Variants in TSEN2 observed in about 807,000 individuals in gnomAD.
TSEN2 encodes the protein tRNA-splicing endonuclease subunit Sen2.
In TSEN2, 54 loss-of-function variants were observed where a neutral mutation model predicts 59.2. That is an observed-to-expected ratio of 0.91 (90% CI 0.73 to 1.14). The LOEUF (loss-of-function observed/expected upper bound fraction) is 1.14. Ranked by LOEUF, TSEN2 falls within the 50% of genes most tolerant of loss-of-function variation. TSEN2 has a pLI of 0.00. For synonymous variants in TSEN2, 195 were observed against 198.2 expected, an observed-to-expected ratio of 0.98 and a Z score of 0.14; for missense variants, 636 against 576.2, an observed-to-expected ratio of 1.10 and a Z score of -1.06.
At chr3:12,490,206 A>G (rs1280563930) in intron 2 of TSEN2, among the ~76,000 whole-genome samples, 8 of 152,228 alleles carry the variant, frequency 5.3e-5, no homozygotes, top group African/African-American at 1.9e-4. Flanking sequence ...CCCTGCCCAC[A>G]AACCTTTATT....
At chr3:12,523,958 A>G (rs1439154486) in intron 8 of TSEN2, among the ~76,000 whole-genome samples, 1 of 152,174 alleles carries the variant, frequency 6.6e-6, no homozygotes, top group Non-Finnish European at 1.5e-5. Flanking sequence ...AGTATTTTTC[A>G]TGTGTACCTC....
At chr3:12,530,116 C>T in intron 10 of TSEN2, 2 of 1,403,000 alleles carry the variant, frequency 1.4e-6, no homozygotes, top group Non-Finnish European at 9.2e-7. Flanking sequence ...AATGACGGAG[C>T]TTTGGAGTGT....
Position 12,503,669 on chromosome 3 carries a change from G to A in TSEN2, c.716G>A (p.Gly239Asp). 2 of 1,607,726 alleles carry A rather than the reference G, an allele frequency of 1.2e-6. No homozygotes were observed. Among genetic ancestry groups the A allele is most frequent in the Non-Finnish European group, 1.7e-6 (2 of 1,176,812 alleles). Reference sequence around the variant, plus strand: ...CAGCGTGGCCTTCATCATGAAGACGGCAGCCAGCACATCGGCCTCCTGCAT... The same window carrying A: ...CAGCGTGGCCTTCATCATGAAGACGACAGCCAGCACATCGGCCTCCTGCAT... ...ILQRGLHHED[G>D]SQHIGLLHPG... Residue 239 changes from glycine (G) to aspartate (D), a missense_variant, in exon 5 of 12, where the codon GGC (glycine) becomes GAC (aspartate). Physicochemically the swap from Gly to Asp is moderately conservative, Grantham distance 94. Transcript: ENST00000284995.
rs183153130 is a variant in TSEN2 at position 12,516,287 on chromosome 3, G to A, written c.910-324G>A. Among the ~76,000 whole-genome samples the A allele has an allele frequency of 1.3e-4, 20 of 152,192 alleles. 1 individual carries two copies. The highest frequency in any genetic ancestry group is 8.5e-4 in the Admixed American group (13 of 15,286). ...AAAAAATACAAAAAATTAGCCGGGC[G>A]TGGCGGCGGGCGCCTGTAGTCCCAG... On this transcript the variant is annotated intron_variant, in intron 6 of 11. Transcript: ENST00000284995.
At chr3:12,516,551 T>G in intron 6 of TSEN2, 60 bp from the exon 7 acceptor site, 1 of 1,559,580 alleles carries the variant, frequency 6.4e-7, no homozygotes, top group African/African-American at 1.4e-5. Context: ...GTCTGTAAAA[T>G]GGTTTCACAA....
At position 12,501,434 on chromosome 3, in the gene TSEN2, G is replaced by A. The variant is rs183375764; in HGVS notation, c.309-1828G>A. 2.7e-3 allele frequency among the ~76,000 whole-genome samples: 414 copies of A among 152,322 alleles called. 1 individual carries two copies. Among genetic ancestry groups the A allele is most frequent in the African/African-American group, 9.5e-3 (393 of 41,576 alleles). On this transcript the variant is annotated intron_variant, in intron 4 of 11. Coordinates refer to ENST00000284995, the MANE Select transcript of TSEN2 (RefSeq NM_025265.4). ...GTTAATCTTTAGGATACAATTCCCAGTATATAGGGAGGCATCCCTGATGTT... is the reference window on the plus strand; with the variant it reads ...GTTAATCTTTAGGATACAATTCCCAATATATAGGGAGGCATCCCTGATGTT...
intron 7 of TSEN2, 22 bp from the exon 8 acceptor site, chr3:12,519,037 G>GT (rs1559341563): frequency 6.8e-6 from 11 of 1,613,758 alleles, no homozygotes; most frequent in South Asian, 2.2e-5. Flanking sequence ...AATGCTTTTT[G>GT]TTTTTTTGTA....
chr3:12,483,588 G>C (rs761720045), upstream of TSEN2, among the ~76,000 whole-genome samples: 2 of 152,142 alleles, frequency 1.3e-5, no homozygotes, highest in Non-Finnish European at 2.9e-5. Flanking sequence ...CATGCGTGAA[G>C]GAATGGAGGC....
rs886057907 is a variant in TSEN2, at chr3:12,484,768, T to A, written c.-130T>A. 6.6e-6 allele frequency: 1 copy of A among 152,218 alleles called. No homozygotes were observed. Among genetic ancestry groups the A allele is most frequent in the Non-Finnish European group, 1.5e-5 (1 of 68,082 alleles). 9.4% of individuals were successfully genotyped at this position (152,218 alleles called of 1,614,324 possible). ...GGTTCTTGGAAACGCCGGCGCCTTGTTCAGGGCTGGTGGGGCTGGGGCGCA... is the reference window on the plus strand; with the variant it reads ...GGTTCTTGGAAACGCCGGCGCCTTGATCAGGGCTGGTGGGGCTGGGGCGCA... On this transcript the variant is annotated 5_prime_UTR_variant, in exon 1 of 12. Transcript: ENST00000284995.
rs140728375 is a variant in TSEN2, at chr3:12,503,358, G to A, written c.405G>A (p.Pro135=). 2.4e-4 allele frequency: 387 copies of A among 1,614,202 alleles called. 1 individual carries two copies. The African/African-American group carries it at 3.2e-3, about 13-fold the overall frequency. The change falls in exon 5 of 12, where the codon CCG becomes CCA. Residue 135 remains proline (P), a synonymous_variant. Transcript: ENST00000284995. ...GAATCCTCAAGGATTACACGAAACC[G>A]CTTGAGCATCCTCCTGTGAAAAGGA... ...VRRILKDYTK[P]LEHPPVKRNE...
At chr3:12,515,869 CA>C (rs2056016492) in intron 6 of TSEN2, among the ~76,000 whole-genome samples, 1 of 151,642 alleles carries the variant, frequency 6.6e-6, no homozygotes, top group Admixed American at 6.6e-5. Flanking sequence ...ACACTTTTCA[CA>C]CCTTTTTTTT....
At chr3:12,502,014 A>T (rs988755982) in intron 4 of TSEN2, among the ~76,000 whole-genome samples, 3 of 152,206 alleles carry the variant, frequency 2.0e-5, no homozygotes, top group Middle Eastern at 3.2e-3. Context: ...ACTTAACAAG[A>T]ATTTTATCAA....
At chr3:12,532,118 G>T (rs944940121) in intron 11 of TSEN2, among the ~76,000 whole-genome samples, 1 of 152,158 alleles carries the variant, frequency 6.6e-6, no homozygotes, top group East Asian at 1.9e-4. Flanking sequence ...CCCTCTGTGT[G>T]TAGAGCCTTA....
Position 12,529,816 on chromosome 3 carries a change from G to A in TSEN2, c.1191G>A (p.Arg397=). 3 of 1,614,098 alleles carry A rather than the reference G, an allele frequency of 1.9e-6. No homozygotes were observed. The highest frequency in any genetic ancestry group is 1.3e-5 in the African/African-American group (1 of 75,014). The stretch of plus-strand genomic sequence containing the variant: ...ACCATTTTGAAGGCTCTCTCCGCAG[G>A]CCTCTCAGTTGGAAGTCCCTGGCTG... ...VDDHFEGSLR[R]PLSWKSLAAL... is the part of the protein sequence containing the mutation. The change falls in exon 10 of 12, where the codon AGG becomes AGA. Residue 397 remains arginine, a synonymous_variant. Transcript: ENST00000284995.
chr3:12,514,075 C>G (rs1420260310), intron 6 of TSEN2, among the ~76,000 whole-genome samples: 1 of 152,228 alleles, frequency 6.6e-6, no homozygotes, highest in Non-Finnish European at 1.5e-5. Flanking sequence ...AGTTTACATT[C>G]TAGTCGGAGG....
chr3:12,538,270 A>T (rs1306193094), downstream of TSEN2, among the ~76,000 whole-genome samples: 1 of 152,264 alleles, frequency 6.6e-6, no homozygotes, highest in Non-Finnish European at 1.5e-5. Context: ...GCAAACAGCC[A>T]TTCGTGAATC....
chr3:12,530,323 T>C lies in TSEN2; in HGVS notation c.1248+450T>C, dbSNP rs368872741. ...TAAGCACTTTCCCACCCTGTTGTTA[T>C]CCTCATCCTGAGGATGAGAAACCAA... is the stretch of plus-strand genomic sequence containing the variant. On this transcript the variant is annotated intron_variant, in intron 10 of 11. Coordinates refer to ENST00000284995, the MANE Select transcript of TSEN2 (RefSeq NM_025265.4). The C allele has an allele frequency of 1.2e-5, 12 of 988,062 alleles. No individual in the cohort carries two copies. The East Asian group carries it at 1.1e-3, about 92-fold the overall frequency. 61.2% of individuals were successfully genotyped at this position (988,062 alleles called of 1,614,324 possible).
chr3:12,523,295 TA>T (rs2056796008), intron 8 of TSEN2, among the ~76,000 whole-genome samples: 2 of 152,120 alleles, frequency 1.3e-5, no homozygotes, highest in South Asian at 4.1e-4. Context: ...GACTGATAAG[TA>T]TGATTTCTGA....
At chr3:12,495,373 G>A (rs1428896448) in intron 3 of TSEN2, among the ~76,000 whole-genome samples, 2 of 152,098 alleles carry the variant, frequency 1.3e-5, no homozygotes, top group Non-Finnish European at 2.9e-5. Context: ...GGAACTACAG[G>A]CACATGCCAT....
Sources: allele counts gnomAD v4.1 joint callset (sites outside exome capture counted in the v4.1 genomes callset), GRCh38; gene constraint gnomAD v4.1.1; transcripts MANE v1.5; gene names NCBI Gene and HGNC (gene_info 2026-07-23, HGNC 2026-07-21).